Variants in CELSR1 observed in about 807,000 individuals in gnomAD.
CELSR1 encodes adhesion G protein-coupled receptor C1.
CELSR1 carries 110 observed loss-of-function variants against 249.1 expected under a neutral mutation model. The ratio of observed to expected loss-of-function variants is 0.44; its 90% CI spans 0.38 to 0.52. The LOEUF is 0.52. Among genes scored for constraint, CELSR1 ranks in the 20% least tolerant of loss-of-function variants. CELSR1 has a pLI of 0.00. For missense variants in CELSR1, 4,109 were observed against 4,296.4 expected (o/e 0.96, Z 1.22); for synonymous variants, 2,113 against 1,900.0 (o/e 1.11, Z -2.92).
At chr22:46,382,967 A>G (rs574772889) in intron 20 of CELSR1, among the ~76,000 whole-genome samples, 1 of 152,220 alleles carries the variant, frequency 6.6e-6, no homozygotes, top group African/African-American at 2.4e-5. Context: ...CTGTTTAAAC[A>G]TGAATGTATC....
Position 46,534,735 on chromosome 22 carries a change from A to G in CELSR1, c.2436T>C (p.Ser812=). Residue 812 remains serine (S), a synonymous_variant, in exon 1 of 35, where the codon AGT becomes AGC. Coordinates refer to ENST00000674500, the MANE Select transcript of CELSR1 (RefSeq NM_001378328.1). This position sits in a 1 kb window ranked among gnomAD's most constrained non-coding sequence, Gnocchi z 9.7. ...TCTCTCCTGTGTCCTCATCGTTGGC[A>G]CTGAGGGTAGCAATGGAGGTGCCCA... The part of the protein sequence containing the change: ...RPVGTSIATL[S]ANDEDTGENA... 4 of 1,613,216 alleles carry G rather than the reference A, an allele frequency of 2.5e-6. No homozygotes were observed. The South Asian group carries it at 4.4e-5, about 18-fold the overall frequency.
chr22:46,487,376 T>C (rs1030064984), intron 1 of CELSR1, among the ~76,000 whole-genome samples: 1 of 149,798 alleles, frequency 6.7e-6, no homozygotes, highest in Non-Finnish European at 1.5e-5. Context: ...CTAATTAAAA[T>C]TGCTGTCACT....
rs746101982 is a variant in CELSR1 at position 46,536,376 on chromosome 22, G to C, written c.795C>G (p.Leu265=). 1.2e-5 allele frequency: 20 copies of C among 1,612,174 alleles called. No individual in the cohort carries two copies. In the East Asian group the frequency reaches 4.2e-4, roughly 34 times the overall value. ...FENEPAGTLI[L]QLHAHYTIEG... ...CGATGGTGTAGTGCGCGTGCAGCTG[G>C]AGGATGAGGGTGCCCGCCGGTTCGT... Residue 265 remains leucine (L), a synonymous_variant, in exon 1 of 35, where the codon CTC becomes CTG. Transcript: ENST00000674500.
rs1281934100 is a variant in CELSR1, at chr22:46,413,058, TG to T, written c.4612-1300del. Among the ~76,000 whole-genome samples, 4 of 152,218 alleles carry T rather than the reference TG, an allele frequency of 2.6e-5. No individual in the cohort carries two copies. Among genetic ancestry groups the T allele is most frequent in the Non-Finnish European group, 5.9e-5 (4 of 68,048 alleles). On this transcript the variant is annotated intron_variant, in intron 5 of 34. Coordinates refer to ENST00000674500, the MANE Select transcript of CELSR1 (RefSeq NM_001378328.1). The surrounding 1 kb of genome is among the most constrained non-coding windows in gnomAD (Gnocchi z 4.7). ...GTTCGATGCCTCCTCCTGATAGTTC[TG>T]GGGTCAGTTTGAGTTTATAGCATGA...
intron 2 of CELSR1, among the ~76,000 whole-genome samples, chr22:46,459,500 C>A (rs537762105): frequency 6.6e-6 from 1 of 152,214 alleles, no homozygotes; most frequent in South Asian, 2.1e-4. Context: ...CCTGGCCGGC[C>A]GTTGACCCTC....
intron 24 of CELSR1, among the ~76,000 whole-genome samples, chr22:46,376,831 G>T (rs1602042449): frequency 6.6e-6 from 1 of 151,204 alleles, no homozygotes; most frequent in Non-Finnish European, 1.5e-5. Context: ...AAGAAAGAAA[G>T]AAAGGGCCCC....
rs1252702663 is a variant in CELSR1, at chr22:46,488,057, C to G, written c.3545-23712G>C. 7.0e-6 allele frequency among the ~76,000 whole-genome samples: 1 copy of G among 143,110 alleles called. No homozygotes were observed. The highest frequency in any genetic ancestry group is 1.5e-5 in the Non-Finnish European group (1 of 65,730). 93.9% of individuals were successfully genotyped at this position (143,110 alleles called of 152,430 possible). ...CCAGGGTGCTGACAGGATCAGCTGA[C>G]AGGGGCGTGAGGGAGGGGTGTCAAG... On this transcript the variant is annotated intron_variant, in intron 1 of 34. Coordinates refer to ENST00000674500, the MANE Select transcript of CELSR1 (RefSeq NM_001378328.1). The surrounding 1 kb of genome is among the most constrained non-coding windows in gnomAD (Gnocchi z 4.7).
intron 1 of CELSR1, among the ~76,000 whole-genome samples, chr22:46,529,984 G>T (rs1377407332): frequency 6.6e-6 from 1 of 151,916 alleles, no homozygotes; most frequent in African/African-American, 2.4e-5. Context: ...CACATTGCAT[G>T]CCTGTGCCAG....
chr22:46,498,640 A>T (rs1442637122), intron 1 of CELSR1, among the ~76,000 whole-genome samples: 5 of 151,792 alleles, frequency 3.3e-5, no homozygotes, highest in African/African-American at 1.2e-4. Context: ...AAGAAAAAAC[A>T]ACACTCCGGT....
chr22:46,387,061 T>C lies in CELSR1; in HGVS notation c.6556-476A>G, dbSNP rs11913660. On this transcript the variant is annotated intron_variant, in intron 18 of 34. Transcript: ENST00000674500. ...GCGTGAGCCACCACGCCTGGCCTAG[T>C]TCCCAAATATTTTTTCAAAAAGTTT... 2.1e-3 allele frequency among the ~76,000 whole-genome samples: 325 copies of C among 152,012 alleles called. 2 individuals carry two copies. Among genetic ancestry groups the C allele is most frequent in the African/African-American group, 7.5e-3 (309 of 41,452 alleles).
chr22:46,522,356 CT>C (rs2080694787), intron 1 of CELSR1, among the ~76,000 whole-genome samples: 2 of 152,164 alleles, frequency 1.3e-5, no homozygotes, highest in Non-Finnish European at 2.9e-5. Context: ...AGCAATCCTC[CT>C]GCCTCAGATT....
rs536408285 is a variant in CELSR1 at position 46,509,435 on chromosome 22, T to C, written c.3544+24192A>G. Among the ~76,000 whole-genome samples, 6 of 68,532 alleles carry C rather than the reference T, an allele frequency of 8.8e-5. No homozygotes were observed. In the South Asian group the frequency reaches 2.4e-3, roughly 27 times the overall value. 45.0% of individuals were successfully genotyped at this position (68,532 alleles called of 152,430 possible). ...CAGGCTACTGTTCTGTCGGTGTTGG[T>C]CACTGCGTTGTCACAGTTTAAGGAG... On this transcript the variant is annotated intron_variant, in intron 1 of 34. Coordinates refer to ENST00000674500, the MANE Select transcript of CELSR1 (RefSeq NM_001378328.1).
chr22:46,408,753 A>G lies in CELSR1; in HGVS notation c.5226+243T>C, dbSNP rs908982547. On this transcript the variant is annotated intron_variant, in intron 9 of 34. Transcript: ENST00000674500. This position sits in a 1 kb window ranked among gnomAD's most constrained non-coding sequence, Gnocchi z 4.6. ...ACCCTCAGGCTAGAGGGAGACCAGA[A>G]CTGCCGCTGAGCTCTGCTGGGCCCC... Among the ~76,000 whole-genome samples, 1 of 152,156 alleles carries G rather than the reference A, an allele frequency of 6.6e-6. No homozygotes were observed. Among genetic ancestry groups the G allele is most frequent in the African/African-American group, 2.4e-5 (1 of 41,442 alleles).
chr22:46,464,142 C>T lies in CELSR1; in HGVS notation c.3748G>A (p.Asp1250Asn), dbSNP rs753914238. ...DDVFVFNVQN[D>N]TDVSSNILNV... ...AGGATGTTGGAGCTGACGTCGGTGT[C>T]GTTCTGGACGTTGAAGACGAAGACG... The change falls in exon 2 of 35, where the codon GAC (aspartate) becomes AAC (asparagine). Residue 1250 changes from aspartate (D) to asparagine (N), a missense_variant. By Grantham distance (23) the Asp-to-Asn change is conservative (BLOSUM62 1). Coordinates refer to ENST00000674500, the MANE Select transcript of CELSR1 (RefSeq NM_001378328.1). This position sits in a 1 kb window ranked among gnomAD's most constrained non-coding sequence, Gnocchi z 8.5. The T allele has an allele frequency of 1.9e-6, 3 of 1,613,678 alleles. No homozygotes were observed. Among genetic ancestry groups the T allele is most frequent in the African/African-American group, 1.3e-5 (1 of 74,932 alleles).
chr22:46,435,929 G>A (rs1385264822), intron 4 of CELSR1, among the ~76,000 whole-genome samples: 2 of 151,538 alleles, frequency 1.3e-5, no homozygotes, highest in South Asian at 2.1e-4. Flanking sequence ...TCGATCTCGT[G>A]ACCTTGTGAT....
intron 2 of CELSR1, among the ~76,000 whole-genome samples, chr22:46,439,974 G>T (rs2147472343): frequency 6.6e-6 from 1 of 151,594 alleles, no homozygotes; most frequent in Admixed American, 6.5e-5. Flanking sequence ...GCCACCCCTG[G>T]ATTCCAACCC....
chr22:46,523,257 A>C (rs529314304), intron 1 of CELSR1, among the ~76,000 whole-genome samples: 3 of 152,332 alleles, frequency 2.0e-5, no homozygotes, highest in Admixed American at 2.0e-4. Context: ...AGCCTGGTGC[A>C]GTGGCTGATG....
chr22:46,518,037 G>A lies in CELSR1; in HGVS notation c.3544+15590C>T, dbSNP rs1338311548. 6.6e-6 allele frequency among the ~76,000 whole-genome samples: 1 copy of A among 151,998 alleles called. No individual in the cohort carries two copies. The highest frequency in any genetic ancestry group is 1.9e-4 in the East Asian group (1 of 5,186). On this transcript the variant is annotated intron_variant, in intron 1 of 34. Transcript: ENST00000674500. This position sits in a 1 kb window ranked among gnomAD's most constrained non-coding sequence, Gnocchi z 5.2. ...CCTGCCTCAGCCTCCCAAGTAGCTG[G>A]GATTACAGTCATGTGCCACCACACC...
chr22:46,396,780 C>T lies in CELSR1; in HGVS notation c.5702-34G>A. 1.2e-6 allele frequency: 2 copies of T among 1,603,164 alleles called. No individual in the cohort carries two copies. The highest frequency in any genetic ancestry group is 2.2e-5 in the South Asian group (2 of 89,142). The stretch of plus-strand genomic sequence containing the variant: ...ACAGAGCCAGCATTACCTCCACCCA[C>T]AATCCACGAGACCTTCCACGTTAAA... On this transcript the variant is annotated intron_variant, in intron 12 of 34. Coordinates refer to ENST00000674500, the MANE Select transcript of CELSR1 (RefSeq NM_001378328.1). This position sits in a 1 kb window ranked among gnomAD's most constrained non-coding sequence, Gnocchi z 6.4.
Sources: allele counts gnomAD v4.1 joint callset (sites outside exome capture counted in the v4.1 genomes callset), GRCh38; gene constraint gnomAD v4.1.1; non-coding constraint Gnocchi (gnomAD v3.1); transcripts MANE v1.5; gene names NCBI Gene and HGNC (gene_info 2026-07-23, HGNC 2026-07-21).